AGK: variants seen among roughly 807,000 people sequenced by gnomAD.
The protein encoded by AGK is acylglycerol kinase, mitochondrial.
In AGK, 52 loss-of-function variants were observed where a neutral mutation model predicts 66.4. That is an observed-to-expected ratio of 0.78 (90% CI 0.63 to 0.99). The LOEUF is 0.99. Ranked by LOEUF, AGK falls within the 50% of genes least tolerant of loss-of-function variation. The probability of loss-of-function intolerance (pLI) is 0.00; values close to 1 mark genes in which losing one functional copy is unlikely to be tolerated. For missense variants in AGK, 451 were observed against 506.6 expected, an observed-to-expected ratio of 0.89 and a Z score of 1.05; for synonymous variants, 182 against 181.1, an observed-to-expected ratio of 1.00 and a Z score of -0.04.
intron 2 of AGK, among the ~76,000 whole-genome samples, chr7:141,582,145 C>T (rs778236652): frequency 6.6e-6 from 1 of 152,014 alleles, no homozygotes; most frequent in Non-Finnish European, 1.5e-5. Flanking sequence ...GCCGGTTGGA[C>T]AGTCCAATTT....
chr7:141,651,244 G>A (rs753684911), intron 14 of AGK, among the ~76,000 whole-genome samples: 6 of 152,166 alleles, frequency 3.9e-5, no homozygotes. Context: ...TTAGGTACAT[G>A]TGGAATGATT....
Position 141,617,423 on chromosome 7 carries a change from C to A in AGK, c.518+1858C>A, listed in dbSNP as rs1333088094. Among the ~76,000 whole-genome samples, 5 of 152,154 alleles carry A rather than the reference C, an allele frequency of 3.3e-5. No individual in the cohort carries two copies. In the East Asian group the frequency reaches 9.6e-4, roughly 29 times the overall value. Reference sequence around the variant, plus strand: ...CTTAATTTATAAGCATGCCCCAGGGCTGTTAGGTAATCCAGGAAGTCTGTC... The same window carrying A: ...CTTAATTTATAAGCATGCCCCAGGGATGTTAGGTAATCCAGGAAGTCTGTC... On this transcript the variant is annotated intron_variant, in intron 8 of 15. Coordinates refer to ENST00000649286, the MANE Select transcript of AGK (RefSeq NM_018238.4).
chr7:141,651,842 G>A (rs1414503556), intron 15 of AGK, among the ~76,000 whole-genome samples: 4 of 152,164 alleles, frequency 2.6e-5, no homozygotes, highest in Non-Finnish European at 2.9e-5. Flanking sequence ...CATCGTTTTC[G>A]AACCAAGGTT....
At chr7:141,557,145 A>G (rs1795226059) in intron 2 of AGK, among the ~76,000 whole-genome samples, 1 of 152,246 alleles carries the variant, frequency 6.6e-6, no homozygotes, top group South Asian at 2.1e-4. Flanking sequence ...AAAGAGATTC[A>G]TATTGATATT....
At chr7:141,571,140 T>G (rs1795597882) in intron 2 of AGK, among the ~76,000 whole-genome samples, 1 of 152,214 alleles carries the variant, frequency 6.6e-6, no homozygotes, top group Non-Finnish European at 1.5e-5. Context: ...AAATACCTAT[T>G]AAAATATTTA....
intron 9 of AGK, among the ~76,000 whole-genome samples, chr7:141,623,764 A>G (rs1345505525): frequency 6.6e-6 from 1 of 152,216 alleles, no homozygotes; most frequent in Admixed American, 6.5e-5. Flanking sequence ...CTATATAGAC[A>G]AAACAGCCTT....
chr7:141,611,075 T>G (rs898296588), intron 5 of AGK, 120 bp from the exon 6 acceptor site: 1 of 569,898 alleles, frequency 1.8e-6, no homozygotes, highest in Admixed American at 3.3e-5. Context: ...GTCTATCAGT[T>G]ATGTAAAATT....
chr7:141,551,746 C>T (rs1562955345), intron 1 of AGK, among the ~76,000 whole-genome samples: 2 of 152,196 alleles, frequency 1.3e-5, no homozygotes, highest in South Asian at 2.1e-4. Context: ...CCCCTCACTT[C>T]GTCCCTTGGG....
At chr7:141,574,732 T>G (rs1795696124) in intron 2 of AGK, among the ~76,000 whole-genome samples, 1 of 152,172 alleles carries the variant, frequency 6.6e-6, no homozygotes, top group Non-Finnish European at 1.5e-5. Context: ...ATCTGAGAAA[T>G]TAGAAGGTAC....
At chr7:141,567,252 T>C (rs1795492136) in intron 2 of AGK, among the ~76,000 whole-genome samples, 1 of 152,190 alleles carries the variant, frequency 6.6e-6, no homozygotes. Flanking sequence ...GTAGCCCAGG[T>C]ACTGCTTCTC....
chr7:141,605,402 T>C (rs1222410627), intron 5 of AGK, among the ~76,000 whole-genome samples: 1 of 152,186 alleles, frequency 6.6e-6, no homozygotes, highest in Non-Finnish European at 1.5e-5. Context: ...CTTGAGCAGG[T>C]CCTGGGATTT....
At chr7:141,639,699 G>C (rs1237553613) in intron 11 of AGK, among the ~76,000 whole-genome samples, 1 of 152,204 alleles carries the variant, frequency 6.6e-6, no homozygotes, top group South Asian at 2.1e-4. Context: ...GAAGAAAGAT[G>C]AATGTAGGAG....
At chr7:141,592,352 T>C (rs1796139452) in intron 2 of AGK, among the ~76,000 whole-genome samples, 1 of 152,228 alleles carries the variant, frequency 6.6e-6, no homozygotes, top group Non-Finnish European at 1.5e-5. Flanking sequence ...CCTTCTTCCA[T>C]CTTCGCAGCT....
At chr7:141,584,465 T>C (rs1795953023) in intron 2 of AGK, among the ~76,000 whole-genome samples, 1 of 152,222 alleles carries the variant, frequency 6.6e-6, no homozygotes, top group African/African-American at 2.4e-5. Context: ...CTTAAATGTA[T>C]TGATTGCTGT....
At position 141,601,780 on chromosome 7, in the gene AGK, C is replaced by G. The variant is rs539252428; in HGVS notation, c.297+500C>G. 1.2e-3 allele frequency among the ~76,000 whole-genome samples: 179 copies of G among 152,206 alleles called. 1 individual carries two copies. Among genetic ancestry groups the G allele is most frequent in the African/African-American group, 4.1e-3 (171 of 41,542 alleles). On this transcript the variant is annotated intron_variant, in intron 5 of 15. Coordinates refer to ENST00000649286, the MANE Select transcript of AGK (RefSeq NM_018238.4). ...ATTGTACTATTTCGAAGATGCAGGA[C>G]TCTACTTGTTGAATTTTAAATGAGA...
chr7:141,554,257 G>C (rs2116841641), intron 1 of AGK, among the ~76,000 whole-genome samples: 1 of 151,340 alleles, frequency 6.6e-6, no homozygotes, highest in South Asian at 2.1e-4. Flanking sequence ...TGAGGCAGGA[G>C]ATTTGTTTGG....
chr7:141,590,477 T>A (rs1796088839), intron 2 of AGK, among the ~76,000 whole-genome samples: 2 of 152,144 alleles, frequency 1.3e-5, no homozygotes, highest in Admixed American at 1.3e-4. Context: ...CCGGAGAGGC[T>A]GGAAGCTGCG....
chr7:141,558,249 C>T (rs1219302513), intron 2 of AGK, among the ~76,000 whole-genome samples: 4 of 151,824 alleles, frequency 2.6e-5, no homozygotes, highest in Admixed American at 6.6e-5. Flanking sequence ...CCTCTGCCTC[C>T]GAGGTTCAAG....
intron 9 of AGK, among the ~76,000 whole-genome samples, chr7:141,626,569 A>G (rs1796942393): frequency 6.6e-6 from 1 of 152,234 alleles, no homozygotes; most frequent in African/African-American, 2.4e-5. Context: ...TCCCGAAGTG[A>G]TATACTGAGA....
Sources: allele counts gnomAD v4.1 joint callset (sites outside exome capture counted in the v4.1 genomes callset), GRCh38; gene constraint gnomAD v4.1.1; transcripts MANE v1.5; gene names NCBI Gene and HGNC (gene_info 2026-07-23, HGNC 2026-07-21).